Variants in SPRED2 observed in about 807,000 individuals in gnomAD.
SPRED2 encodes sprouty related EVH1 domain containing 2, also known as sprouty-related, EVH1 domain-containing protein 2.
SPRED2 carries 47 observed loss-of-function variants against 43.0 expected under a neutral mutation model. The ratio of observed to expected loss-of-function variants is 1.09; its 90% CI spans 0.87 to 1.40. SPRED2 has a LOEUF of 1.40. SPRED2 is among the 40% of genes most tolerant of loss of function. SPRED2 has a pLI of 0.00. For missense variants in SPRED2, 561 were observed against 586.4 expected (o/e 0.96, Z 0.45); for synonymous variants, 225 against 225.7 (o/e 1.00, Z 0.03).
chr2:65,352,279 T>C (rs1291999445), intron 1 of SPRED2, among the ~76,000 whole-genome samples: 1 of 152,242 alleles, frequency 6.6e-6, no homozygotes, highest in Non-Finnish European at 1.5e-5. Flanking sequence ...AACGTTTGTT[T>C]CATAAAGAGA....
chr2:65,399,039 G>C lies in SPRED2; in HGVS notation c.26+32923C>G, dbSNP rs183593112. The stretch of plus-strand genomic sequence containing the variant: ...CATGCCTGTAATCCCAGCATTTTGT[G>C]AGGCCAAGGTGGGCGGATCACGAGG... On this transcript the variant is annotated intron_variant, in intron 1 of 5. Transcript: ENST00000356388. Among the ~76,000 whole-genome samples, 336 of 152,280 alleles carry C rather than the reference G, an allele frequency of 2.2e-3. 3 individuals carry two copies. Among genetic ancestry groups the C allele is most frequent in the Admixed American group, 3.6e-3 (55 of 15,296 alleles).
intron 1 of SPRED2, among the ~76,000 whole-genome samples, chr2:65,347,786 A>G (rs1310088028): frequency 6.6e-6 from 1 of 151,964 alleles, no homozygotes; most frequent in African/African-American, 2.4e-5. Context: ...CACAATCAAC[A>G]TGTTTCAGGT....
At chr2:65,344,175 C>T (rs1300145038) in intron 2 of SPRED2, 15 of 150,432 alleles carry the variant, frequency 1.0e-4, no homozygotes, top group African/African-American at 3.8e-4. Context: ...AAAAAACCCA[C>T]AAAGTATGAT....
At chr2:65,334,134 C>T (rs1012075155) in intron 3 of SPRED2, 3 of 468,616 alleles carry the variant, frequency 6.4e-6, no homozygotes, top group South Asian at 4.7e-5. Context: ...AAGGCCTAAA[C>T]CGAACCAGGG....
intron 4 of SPRED2, among the ~76,000 whole-genome samples, chr2:65,317,785 A>G (rs1441653389): frequency 6.6e-6 from 1 of 152,074 alleles, no homozygotes; most frequent in African/African-American, 2.4e-5. Flanking sequence ...GTTGGGAGCA[A>G]GACTTGGAGG....
intron 1 of SPRED2, among the ~76,000 whole-genome samples, chr2:65,362,327 T>C (rs1674836469): frequency 6.6e-6 from 1 of 152,102 alleles, no homozygotes; most frequent in Admixed American, 6.5e-5. Context: ...TGGAGTGCAG[T>C]GGCGCGATCT....
chr2:65,361,272 A>C (rs1339867884), intron 1 of SPRED2, among the ~76,000 whole-genome samples: 3 of 152,252 alleles, frequency 2.0e-5, no homozygotes, highest in Non-Finnish European at 2.9e-5. Context: ...ATGTAAGTGT[A>C]AATGTTGGCT....
At chr2:65,423,146 A>G (rs891753169) in intron 1 of SPRED2, among the ~76,000 whole-genome samples, 1 of 152,234 alleles carries the variant, frequency 6.6e-6, no homozygotes, top group Non-Finnish European at 1.5e-5. Context: ...AATGCCAAAC[A>G]TGGCATTCAA....
intron 1 of SPRED2, among the ~76,000 whole-genome samples, chr2:65,385,701 C>G (rs764643515): frequency 6.6e-6 from 1 of 152,124 alleles, no homozygotes; most frequent in Non-Finnish European, 1.5e-5. Flanking sequence ...ATTTTCATAC[C>G]TAGAAACTTT....
chr2:65,322,229 CCTCT>C (rs71905140), intron 4 of SPRED2, among the ~76,000 whole-genome samples: 7,508 of 60,986 alleles, frequency 0.12, 568 homozygotes, highest in East Asian at 0.21. Context: ...GGTCTCCTTT[CCTCT>C]CTCTCTCTCT....
intron 1 of SPRED2, among the ~76,000 whole-genome samples, chr2:65,376,475 G>T (rs1558675716): frequency 1.3e-5 from 2 of 151,894 alleles, no homozygotes; most frequent in African/African-American, 4.8e-5. Context: ...TTCTGTATAG[G>T]TATCATATTG....
rs1321786147 is a variant in SPRED2 at position 65,432,169 on chromosome 2, A to T, written c.-182T>A. The T allele has an allele frequency of 1.4e-6, 1 of 692,144 alleles. No homozygotes were observed. Among genetic ancestry groups the T allele is most frequent in the Non-Finnish European group, 2.4e-6 (1 of 409,144 alleles). The allele number at this position is 692,144 out of a possible 1,614,324, so 42.9% of individuals were successfully genotyped here. A position where few individuals can be genotyped will look rare whatever the true frequency, so the allele number is the denominator to read the frequency against. On this transcript the variant is annotated 5_prime_UTR_variant, in exon 1 of 6. Transcript: ENST00000356388. ...AGGGCGCGGGATAGGGTTTGGGGGA[A>T]GGGGTGCAAAGGCAGGCTGCGCGGG...
chr2:65,334,499 C>A (rs1673905728), intron 3 of SPRED2, 106 bp downstream of exon 3: 2 of 1,420,670 alleles, frequency 1.4e-6, no homozygotes, highest in Non-Finnish European at 1.9e-6. Flanking sequence ...TGGTCCCAAA[C>A]CCTCCCGCAA....
At chr2:65,398,362 T>C (rs1558683966) in intron 1 of SPRED2, among the ~76,000 whole-genome samples, 1 of 151,982 alleles carries the variant, frequency 6.6e-6, no homozygotes. Flanking sequence ...CCAAAGCAAA[T>C]GCAACAAAAA....
chr2:65,398,696 A>T (rs1004441162), intron 1 of SPRED2, among the ~76,000 whole-genome samples: 8 of 152,244 alleles, frequency 5.3e-5, no homozygotes, highest in African/African-American at 1.7e-4. Context: ...AAGAATGGCC[A>T]TAATCAAAAG....
Position 65,316,825 on chromosome 2 carries a change from AT to A in SPRED2, c.496del (p.Ile166SerfsTer40). On this transcript the variant is annotated frameshift_variant, in exon 5 of 6. Coordinates refer to ENST00000356388, the MANE Select transcript of SPRED2 (RefSeq NM_181784.3). LOFTEE classifies it high-confidence loss of function. ...SQKREQPTRTISSPTSCEHRR... is the reference protein window; with the variant it reads ...SQKREQPTRTXSSPTSCEHRR... ...GTGCTCACAGGATGTGGGAGAGGAGATTGTCCGAGTAGGTTGCTCTCTCTTC... is the reference window on the plus strand; with the variant it reads ...GTGCTCACAGGATGTGGGAGAGGAGATGTCCGAGTAGGTTGCTCTCTCTTC... 6.2e-7 allele frequency: 1 copy of A among 1,613,854 alleles called. No individual in the cohort carries two copies. Among genetic ancestry groups the A allele is most frequent in the Non-Finnish European group, 8.5e-7 (1 of 1,179,932 alleles).
At chr2:65,344,925 G>C (rs1674305735) in intron 1 of SPRED2, 29 bp from the exon 2 acceptor site, 2 of 1,599,752 alleles carry the variant, frequency 1.3e-6, no homozygotes, top group Admixed American at 1.7e-5. Flanking sequence ...GAAGCACAGG[G>C]CATGACAATG....
At chr2:65,327,665 G>A (rs936967394) in intron 4 of SPRED2, among the ~76,000 whole-genome samples, 4 of 149,602 alleles carry the variant, frequency 2.7e-5, no homozygotes, top group African/African-American at 9.9e-5. Flanking sequence ...CAACCAAAAC[G>A]TGGAGGGCTG....
intron 1 of SPRED2, chr2:65,377,631 T>A: frequency 2.1e-6 from 1 of 471,258 alleles, no homozygotes; most frequent in Non-Finnish European, 4.4e-6. Flanking sequence ...TTCCTGGTCA[T>A]CGTCTGACCT....
Sources: gnomAD v4.1 joint callset for allele counts (sites outside exome capture counted in the v4.1 genomes callset) on GRCh38, gnomAD v4.1.1 for gene constraint, MANE v1.5 for transcripts, NCBI Gene and HGNC (gene_info 2026-07-23, HGNC 2026-07-21) for gene names.